CFAP20DC: variants seen among roughly 807,000 people sequenced by gnomAD.
The protein encoded by CFAP20DC is protein CFAP20DC.
In CFAP20DC, 84 loss-of-function variants were observed where a neutral mutation model predicts 101.7. The observed-to-expected ratio is 0.83, with a 90% CI of 0.69 to 0.99. The LOEUF (loss-of-function observed/expected upper bound fraction) is 0.99, where lower values mean the gene tolerates loss of function less well. CFAP20DC is among the 50% of genes least tolerant of loss of function. The pLI is 0.00. For missense variants in CFAP20DC, 1,007 were observed against 970.3 expected, an observed-to-expected ratio of 1.04 and a Z score of -0.50; for synonymous variants, 359 against 351.2, an observed-to-expected ratio of 1.02 and a Z score of -0.25.
rs1027550925 is a variant in CFAP20DC, at chr3:59,001,230, A to T, written c.278+38327T>A. On this transcript the variant is annotated intron_variant, in intron 4 of 16. Coordinates refer to ENST00000482387, the MANE Select transcript of CFAP20DC (RefSeq NM_001394063.1). This position sits in a 1 kb window ranked among gnomAD's most constrained non-coding sequence, Gnocchi z 4.5. ...TATAATTTATGTACTTAATTTCTAT[A>T]CTTTATCCTTGAAGATTCTTTGATA... Among the ~76,000 whole-genome samples the T allele has an allele frequency of 6.6e-6, 1 of 152,184 alleles. No individual in the cohort carries two copies. Among genetic ancestry groups the T allele is most frequent in the African/African-American group, 2.4e-5 (1 of 41,446 alleles).
At chr3:58,990,833 C>T (rs964664180) in intron 4 of CFAP20DC, among the ~76,000 whole-genome samples, 1 of 150,258 alleles carries the variant, frequency 6.7e-6, no homozygotes, top group African/African-American at 2.5e-5. Context: ...AAACCTGAAA[C>T]ATCTTTGGTA....
intron 4 of CFAP20DC, among the ~76,000 whole-genome samples, chr3:59,033,068 T>C (rs2094027791): frequency 6.6e-6 from 1 of 152,058 alleles, no homozygotes; most frequent in Non-Finnish European, 1.5e-5. Flanking sequence ...GGGTCTGAAG[T>C]GGACCACTGC....
chr3:59,021,122 T>A (rs922532528), intron 4 of CFAP20DC, among the ~76,000 whole-genome samples: 1 of 152,066 alleles, frequency 6.6e-6, no homozygotes, highest in Non-Finnish European at 1.5e-5. Context: ...GTATTATAGA[T>A]GTTCAATAAA....
intron 16 of CFAP20DC, among the ~76,000 whole-genome samples, chr3:58,747,114 G>A (rs1200664533): frequency 6.6e-6 from 1 of 152,152 alleles, no homozygotes; most frequent in Non-Finnish European, 1.5e-5. Context: ...ACCATTTTCT[G>A]CTACTAGACT....
At chr3:58,967,986 T>A (rs1477705573) in intron 4 of CFAP20DC, among the ~76,000 whole-genome samples, 1 of 152,218 alleles carries the variant, frequency 6.6e-6, no homozygotes, top group Non-Finnish European at 1.5e-5. Flanking sequence ...CCTGTGATAG[T>A]CTGCTAAAGA....
intron 15 of CFAP20DC, among the ~76,000 whole-genome samples, chr3:58,764,428 A>G (rs945332060): frequency 2.0e-5 from 3 of 152,148 alleles, no homozygotes; most frequent in Non-Finnish European, 2.9e-5. Flanking sequence ...TCCAGGTGCC[A>G]TCTGTCACCC....
rs946645062 is a variant in CFAP20DC at position 59,014,692 on chromosome 3, T to C, written c.278+24865A>G. Among the ~76,000 whole-genome samples the C allele has an allele frequency of 2.0e-5, 3 of 152,284 alleles. No individual in the cohort carries two copies. Among genetic ancestry groups the C allele is most frequent in the Non-Finnish European group, 2.9e-5 (2 of 68,010 alleles). ...ATGTTTGAAGTGAGAGTAATTTATT[T>C]ACTAACGGCTAACCCTCAATTATCT... is the stretch of plus-strand genomic sequence containing the variant. On this transcript the variant is annotated intron_variant, in intron 4 of 16. Transcript: ENST00000482387. The surrounding 1 kb of genome is among the most constrained non-coding windows in gnomAD (Gnocchi z 4.9).
intron 12 of CFAP20DC, among the ~76,000 whole-genome samples, chr3:58,855,459 C>A (rs539934408): frequency 7.3e-4 from 111 of 152,208 alleles, no homozygotes; most frequent in African/African-American, 2.6e-3. Flanking sequence ...ACTAGAAATA[C>A]CATTTGACCC....
At chr3:58,870,760 C>T (rs1270884994) in intron 7 of CFAP20DC, among the ~76,000 whole-genome samples, 1 of 148,156 alleles carries the variant, frequency 6.7e-6, no homozygotes. Flanking sequence ...CGGTGGCGGG[C>T]GCCTGTAGTC....
At position 58,863,649 on chromosome 3, in the gene CFAP20DC, G is replaced by A. The variant is rs148860143; in HGVS notation, c.1502C>T (p.Ser501Leu). 1.9e-6 allele frequency: 3 copies of A among 1,614,020 alleles called. No individual in the cohort carries two copies. In the East Asian group the frequency reaches 6.7e-5, roughly 36 times the overall value. Reference sequence around the variant, plus strand: ...ATCCTCTTTTAGATCCAAAATAAATGAGAGCTCCTCTGGGGACATAGTCTG... The same window carrying A: ...ATCCTCTTTTAGATCCAAAATAAATAAGAGCTCCTCTGGGGACATAGTCTG... ...KTQTMSPEEL[S>L]FILDLKEDNS... Residue 501 changes from serine to leucine, a missense_variant, in exon 12 of 17, where the codon TCA (serine) becomes TTA (leucine). Transcript: ENST00000482387. The surrounding 1 kb of genome is among the most constrained non-coding windows in gnomAD (Gnocchi z 5.9).
At chr3:58,769,477 T>C (rs1375817705) in intron 15 of CFAP20DC, among the ~76,000 whole-genome samples, 1 of 152,130 alleles carries the variant, frequency 6.6e-6, no homozygotes, top group Non-Finnish European at 1.5e-5. Flanking sequence ...CAATAAATGT[T>C]TGCTGAATGA....
At chr3:58,936,575 C>G (rs968099822) in intron 5 of CFAP20DC, among the ~76,000 whole-genome samples, 4 of 152,106 alleles carry the variant, frequency 2.6e-5, no homozygotes, top group Admixed American at 1.3e-4. Context: ...ACATATACAC[C>G]ATGGAATACT....
intron 4 of CFAP20DC, among the ~76,000 whole-genome samples, chr3:58,986,300 T>C (rs1023763564): frequency 2.6e-5 from 4 of 152,150 alleles, no homozygotes; most frequent in African/African-American, 9.7e-5. Context: ...AGCCTAAATG[T>C]ATACAGGAAC....
chr3:58,836,118 C>T (rs1158914684), intron 13 of CFAP20DC, among the ~76,000 whole-genome samples: 2 of 152,122 alleles, frequency 1.3e-5, no homozygotes, highest in African/African-American at 4.8e-5. Flanking sequence ...ACTGATCTTT[C>T]TCCAGACATT....
Position 58,722,010 on chromosome 3 carries a change from T to C in CFAP20DC, c.198-4382A>G, listed in dbSNP as rs2067479775. On this transcript the variant is annotated intron_variant, in intron 3 of 3. Coordinates refer to the CFAP20DC transcript ENST00000486145. The surrounding 1 kb of genome is among the most constrained non-coding windows in gnomAD (Gnocchi z 4.5). ...GAAGCTGTGTGACTTCTGGGACTAG[T>C]TCAGAAAAGGTCATGAGCTTTGTTT... is the stretch of plus-strand genomic sequence containing the variant. Among the ~76,000 whole-genome samples, 1 of 152,196 alleles carries C rather than the reference T, an allele frequency of 6.6e-6. No individual in the cohort carries two copies. The highest frequency in any genetic ancestry group is 2.4e-5 in the African/African-American group (1 of 41,438).
chr3:58,778,237 T>A (rs936669907), intron 15 of CFAP20DC, among the ~76,000 whole-genome samples: 2 of 152,282 alleles, frequency 1.3e-5, no homozygotes, highest in African/African-American at 4.8e-5. Flanking sequence ...CTACCACAGT[T>A]AAGTGCCTGC....
intron 14 of CFAP20DC, among the ~76,000 whole-genome samples, chr3:58,830,307 T>C (rs1490325892): frequency 2.0e-5 from 3 of 152,184 alleles, no homozygotes; most frequent in Non-Finnish European, 4.4e-5. Context: ...AGATATCCAC[T>C]GGATAACACT....
chr3:58,969,457 T>C (rs1355210757), intron 4 of CFAP20DC, among the ~76,000 whole-genome samples: 1 of 152,154 alleles, frequency 6.6e-6, no homozygotes, highest in African/African-American at 2.4e-5. Flanking sequence ...GACCCAGCAA[T>C]TTCACTCGTA....
chr3:58,752,758 C>G (rs1452077982), intron 16 of CFAP20DC, among the ~76,000 whole-genome samples: 2 of 152,106 alleles, frequency 1.3e-5, no homozygotes, highest in Admixed American at 6.6e-5. Flanking sequence ...AAACGTACAA[C>G]TCAGATGTAT....
Sources: gnomAD v4.1 joint callset for allele counts (sites outside exome capture counted in the v4.1 genomes callset) on GRCh38, gnomAD v4.1.1 for gene constraint, Gnocchi (gnomAD v3.1) non-coding constraint, MANE v1.5 for transcripts, NCBI Gene and HGNC (gene_info 2026-07-23, HGNC 2026-07-21) for gene names.